FER1L6: variants seen among roughly 807,000 people sequenced by gnomAD.
FER1L6 encodes the protein fer-1-like protein 6.
A neutral mutation model predicts 219.2 loss-of-function variants in FER1L6; 177 were observed. That is an observed-to-expected ratio of 0.81 (90% CI 0.71 to 0.91). The LOEUF is 0.91. Ranked by LOEUF, FER1L6 falls within the 40% of genes least tolerant of loss-of-function variation. The pLI, the probability that FER1L6 is intolerant of heterozygous loss-of-function variation, is 0.00. For missense variants in FER1L6, 2,153 were observed against 2,259.9 expected (o/e 0.95, Z 0.96); for synonymous variants, 768 against 824.3 (o/e 0.93, Z 1.17).
chr8:123,918,722 C>A (rs1031425082), intron 1 of FER1L6, among the ~76,000 whole-genome samples: 1 of 151,828 alleles, frequency 6.6e-6, no homozygotes, highest in Non-Finnish European at 1.5e-5. Context: ...GGGTGGTCAT[C>A]GAATGTTGGA....
intron 13 of FER1L6, among the ~76,000 whole-genome samples, chr8:124,005,580 CCTGT>C (rs1327262952): frequency 6.6e-6 from 1 of 152,230 alleles, no homozygotes; most frequent in African/African-American, 2.4e-5. Context: ...AGACTTTTTA[CCTGT>C]CTCTCTCCTC....
intron 12 of FER1L6, among the ~76,000 whole-genome samples, chr8:123,996,374 C>T (rs1817132950): frequency 6.6e-6 from 1 of 152,096 alleles, no homozygotes; most frequent in Non-Finnish European, 1.5e-5. Flanking sequence ...GTTATATCCT[C>T]CTGCTGAAAT....
intron 39 of FER1L6, among the ~76,000 whole-genome samples, chr8:124,115,438 G>A (rs895326098): frequency 6.6e-6 from 1 of 152,068 alleles, no homozygotes; most frequent in Admixed American, 6.6e-5. Flanking sequence ...CGTTCTAGCA[G>A]GGTGGTGGAG....
chr8:124,062,327 A>C (rs1820622578), intron 25 of FER1L6, among the ~76,000 whole-genome samples: 1 of 152,098 alleles, frequency 6.6e-6, no homozygotes, highest in South Asian at 2.1e-4. Context: ...AGTTTGTTCA[A>C]TTTTGGATCT....
At position 123,895,098 on chromosome 8, in the gene FER1L6, A is replaced by G. The variant is rs76329244; in HGVS notation, c.-8+42913A>G. On this transcript the variant is annotated intron_variant, in intron 1 of 40. Coordinates refer to ENST00000522917, the MANE Select transcript of FER1L6 (RefSeq NM_001039112.2). Reference sequence around the variant, plus strand: ...ATGCCAACTGATAGGATGAAATGAGAAGATTGCATCATCACTTCATGATAT... The same window carrying G: ...ATGCCAACTGATAGGATGAAATGAGGAGATTGCATCATCACTTCATGATAT... Among the ~76,000 whole-genome samples, 1,175 of 152,356 alleles carry G rather than the reference A, an allele frequency of 7.7e-3. 9 individuals are homozygous for G. The highest frequency in any genetic ancestry group is 0.027 in the African/African-American group (1,131 of 41,570).
chr8:123,895,933 A>T (rs982295935), intron 1 of FER1L6, among the ~76,000 whole-genome samples: 1 of 152,284 alleles, frequency 6.6e-6, no homozygotes, highest in African/African-American at 2.4e-5. Context: ...GACAATAGGG[A>T]TGGATTATTG....
rs753623623 is a variant in FER1L6, at chr8:124,040,034, T to A, written c.2589+28T>A. Reference sequence around the variant, plus strand: ...AACCAGGGTAACCAAGACAGCCTGCTTCTTTCCTGCAGCCTGCAACTGACC... The same window carrying A: ...AACCAGGGTAACCAAGACAGCCTGCATCTTTCCTGCAGCCTGCAACTGACC... On this transcript the variant is annotated intron_variant, in intron 20 of 40. Transcript: ENST00000522917. The A allele has an allele frequency of 3.1e-6, 5 of 1,613,630 alleles. No homozygotes were observed. The African/African-American group carries it at 6.7e-5, about 22-fold the overall frequency.
At chr8:123,933,085 T>A (rs4478556) in intron 1 of FER1L6, among the ~76,000 whole-genome samples, 30,537 of 152,138 alleles carry the variant, frequency 0.2, 3,882 homozygotes, top group East Asian at 0.44. Flanking sequence ...TCCGAGGGTT[T>A]CTTTTTCTGA....
At chr8:123,964,683 A>G (rs1005498949) in intron 3 of FER1L6, among the ~76,000 whole-genome samples, 3 of 152,202 alleles carry the variant, frequency 2.0e-5, no homozygotes, top group Non-Finnish European at 4.4e-5. Context: ...CAGGAGAAAG[A>G]GAAGGAAGGA....
intron 1 of FER1L6, among the ~76,000 whole-genome samples, chr8:123,909,911 T>C (rs969811394): frequency 2.6e-5 from 4 of 152,182 alleles, no homozygotes; most frequent in African/African-American, 7.2e-5. Flanking sequence ...AACTCTGAAA[T>C]TCCTCATCAA....
intron 11 of FER1L6, 106 bp from the exon 12 acceptor site, chr8:123,985,962 A>G: frequency 1.5e-6 from 1 of 668,232 alleles, no homozygotes; most frequent in South Asian, 1.8e-5. Context: ...TGAAACAGAG[A>G]CCCAAATGTT....
chr8:123,852,733 A>G lies in FER1L6; in HGVS notation c.-8+548A>G, dbSNP rs905450441. On this transcript the variant is annotated intron_variant, in intron 1 of 40. Transcript: ENST00000522917. This position sits in a 1 kb window ranked among gnomAD's most constrained non-coding sequence, Gnocchi z 4.9. ...TCACTCAGTTTTCCCTAATGGTAAC[A>G]TCTTATATTACCATGGTACATTTAT... Among the ~76,000 whole-genome samples the G allele has an allele frequency of 2.0e-5, 3 of 152,296 alleles. No individual in the cohort carries two copies. Among genetic ancestry groups the G allele is most frequent in the South Asian group, 4.1e-4 (2 of 4,822 alleles).
chr8:124,007,551 A>G (rs757974862), intron 13 of FER1L6, among the ~76,000 whole-genome samples: 1 of 152,196 alleles, frequency 6.6e-6, no homozygotes, highest in Non-Finnish European at 1.5e-5. Context: ...ATTAAAATCT[A>G]TAAATTAACT....
rs377668555 is a variant in FER1L6, at chr8:124,035,356, C to G, written c.2366C>G (p.Ala789Gly). 2.5e-6 allele frequency: 4 copies of G among 1,614,002 alleles called. No individual in the cohort carries two copies. In the African/African-American group the frequency reaches 5.3e-5, roughly 22 times the overall value. ...CTGTGGCTGGGCTCCATCAAGCATG[C>G]CAGTGCCATTTTGGACAACTTGCCA... ...VYLWLGSIKH[A>G]SAILDNLPVG... The change falls in exon 19 of 41, where the codon GCC becomes GGC. Residue 789 changes from alanine (A) to glycine (G), a missense_variant. By Grantham distance (60) the Ala-to-Gly change is moderately conservative. Coordinates refer to ENST00000522917, the MANE Select transcript of FER1L6 (RefSeq NM_001039112.2).
intron 2 of FER1L6, 98 bp downstream of exon 2, chr8:123,956,172 G>C (rs1815010025): frequency 9.1e-7 from 1 of 1,098,726 alleles, no homozygotes; most frequent in Admixed American, 2.1e-5. Context: ...ATGGGAGCGA[G>C]GGGGAGTGTG....
At chr8:123,861,181 G>A (rs1039559180) in intron 1 of FER1L6, among the ~76,000 whole-genome samples, 1 of 127,826 alleles carries the variant, frequency 7.8e-6, no homozygotes, top group Non-Finnish European at 1.6e-5. Flanking sequence ...AAGGGATCCA[G>A]TTTCAGCTTT....
chr8:124,039,832 G>C, intron 19 of FER1L6, 50 bp from the exon 20 acceptor site: 1 of 1,612,552 alleles, frequency 6.2e-7, no homozygotes, highest in South Asian at 1.1e-5. Context: ...TGCACACACT[G>C]TTCTTGAAAA....
At chr8:124,093,287 T>A (rs1256714271) in intron 34 of FER1L6, among the ~76,000 whole-genome samples, 1 of 151,996 alleles carries the variant, frequency 6.6e-6, no homozygotes, top group Non-Finnish European at 1.5e-5. Context: ...ACATGAGATT[T>A]AGGCAGGGAC....
intron 16 of FER1L6, among the ~76,000 whole-genome samples, chr8:124,020,483 A>AT (rs908304491): frequency 4.6e-5 from 7 of 152,264 alleles, no homozygotes; most frequent in East Asian, 1.9e-4. Flanking sequence ...CACTGTAAAT[A>AT]TTTTTTTTTC....
Sources: allele counts gnomAD v4.1 joint callset (sites outside exome capture counted in the v4.1 genomes callset), GRCh38; gene constraint gnomAD v4.1.1; non-coding constraint Gnocchi (gnomAD v3.1); transcripts MANE v1.5; gene names NCBI Gene and HGNC (gene_info 2026-07-23, HGNC 2026-07-21).